Variants in ZEB2 observed in about 807,000 individuals in gnomAD.
ZEB2 encodes zinc finger E-box-binding homeobox 2.
ZEB2 carries 6 observed loss-of-function variants against 99.9 expected under a neutral mutation model. The observed-to-expected ratio is 0.06, with a 90% CI of 0.03 to 0.12. The LOEUF is 0.12. Among genes scored for constraint, ZEB2 ranks in the 10% least tolerant of loss-of-function variants. The probability of loss-of-function intolerance (pLI) is 1.00; values close to 1 mark genes in which losing one functional copy is unlikely to be tolerated. For missense variants in ZEB2, 969 were observed against 1,502.8 expected, an observed-to-expected ratio of 0.64 and a Z score of 5.87; for synonymous variants, 517 against 542.5, an observed-to-expected ratio of 0.95 and a Z score of 0.65.
rs2149877414 is a variant in ZEB2, at chr2:144,399,978, A to G, written c.1209T>C (p.Leu403=). ...EPLDFNDYKV[L]MATHGFSGTS... ...TGCCACTAAACCCGTGTGTAGCCAT[A>G]AGAACTTTATAGTCATTGAAGTCTA... The change falls in exon 8 of 10, where the codon CTT becomes CTC. Residue 403 remains leucine (L), a synonymous_variant. Transcript: ENST00000627532. The surrounding 1 kb of genome is among the most constrained non-coding windows in gnomAD (Gnocchi z 5.6). The G allele has an allele frequency of 6.2e-7, 1 of 1,614,244 alleles. No homozygotes were observed. The highest frequency in any genetic ancestry group is 8.5e-7 in the Non-Finnish European group (1 of 1,180,036).
intron 4 of ZEB2, chr2:144,424,483 T>C: frequency 1.8e-6 from 1 of 559,434 alleles, no homozygotes; most frequent in Non-Finnish European, 3.4e-6. Context: ...TTAAAATAAT[T>C]TTTTGCAGTC....
At chr2:144,516,150 C>T (rs1705135282) in intron 2 of ZEB2, 1 of 152,164 alleles carries the variant, frequency 6.6e-6, no homozygotes, top group Non-Finnish European at 1.5e-5. Context: ...TGGGCTGGCG[C>T]TCGTTCGCTT....
intron 2 of ZEB2, among the ~76,000 whole-genome samples, chr2:144,482,006 C>T (rs1292943178): frequency 2.0e-5 from 3 of 152,228 alleles, no homozygotes; most frequent in South Asian, 2.1e-4. Context: ...AAAAGGGACG[C>T]CAATACCCAT....
intron 2 of ZEB2, among the ~76,000 whole-genome samples, chr2:144,440,507 ATATATATATTTTTT>A (rs1295221898): frequency 1.3e-4 from 2 of 14,902 alleles, no homozygotes; most frequent in Non-Finnish European, 3.3e-4. Flanking sequence ...ATATATATAT[ATATATATATTTTTT>A]TTTTTTTTTT....
At chr2:144,418,057 T>C (rs1239571056) in intron 4 of ZEB2, among the ~76,000 whole-genome samples, 2 of 152,238 alleles carry the variant, frequency 1.3e-5, no homozygotes, top group South Asian at 2.1e-4. Flanking sequence ...ATCATTATTA[T>C]ACGTAATCAT....
intron 2 of ZEB2, among the ~76,000 whole-genome samples, chr2:144,505,179 C>T (rs1704935610): frequency 6.6e-6 from 1 of 150,754 alleles, no homozygotes; most frequent in South Asian, 2.1e-4. Context: ...GTTGACTATA[C>T]ATTTGAAATG....
intron 2 of ZEB2, among the ~76,000 whole-genome samples, chr2:144,506,351 C>A (rs1406713016): frequency 1.3e-5 from 2 of 152,158 alleles, no homozygotes; most frequent in Non-Finnish European, 2.9e-5. Context: ...TTCCCATCAG[C>A]AGAGCAAAGG....
At chr2:144,413,787 C>T (rs73964992) in intron 4 of ZEB2, among the ~76,000 whole-genome samples, 14 of 152,298 alleles carry the variant, frequency 9.2e-5, no homozygotes, top group African/African-American at 3.1e-4. Flanking sequence ...ATCCACTCAA[C>T]TCTTGCAGAG....
intron 9 of ZEB2, chr2:144,394,294 C>A (rs1703192643): frequency 6.6e-6 from 1 of 152,092 alleles, no homozygotes; most frequent in Non-Finnish European, 1.5e-5. Context: ...ATCTACAGAC[C>A]TATGAAGGTT....
At chr2:144,423,812 A>C (rs1703652680) in intron 4 of ZEB2, among the ~76,000 whole-genome samples, 1 of 152,248 alleles carries the variant, frequency 6.6e-6, no homozygotes, top group Non-Finnish European at 1.5e-5. Flanking sequence ...GCAGTCTATC[A>C]TGATGTGTAT....
At chr2:144,414,650 A>G (rs1328729513) in intron 4 of ZEB2, among the ~76,000 whole-genome samples, 1 of 152,178 alleles carries the variant, frequency 6.6e-6, no homozygotes, top group Non-Finnish European at 1.5e-5. Flanking sequence ...GAGGTTAGTG[A>G]TTCATACAAA....
chr2:144,488,998 T>C (rs1704639062), intron 2 of ZEB2, among the ~76,000 whole-genome samples: 1 of 152,202 alleles, frequency 6.6e-6, no homozygotes, highest in African/African-American at 2.4e-5. Context: ...AATAATGTTT[T>C]TAAAAAGGCA....
chr2:144,449,684 G>T (rs972488392), intron 2 of ZEB2: 7 of 152,238 alleles, frequency 4.6e-5, no homozygotes, highest in Non-Finnish European at 1.0e-4. Flanking sequence ...TTTAAAAGCT[G>T]GCCTTGCTTT....
intron 3 of ZEB2, among the ~76,000 whole-genome samples, chr2:144,425,750 A>G (rs1703683512): frequency 6.6e-6 from 1 of 152,206 alleles, no homozygotes; most frequent in South Asian, 2.1e-4. Flanking sequence ...GCTGATAGTT[A>G]AAAATCTCTT....
intron 4 of ZEB2, among the ~76,000 whole-genome samples, chr2:144,409,579 T>A (rs1251531067): frequency 2.0e-5 from 3 of 152,154 alleles, no homozygotes; most frequent in African/African-American, 7.2e-5. Flanking sequence ...AGTAATTTCT[T>A]CCCATACCTT....
Position 144,425,089 on chromosome 2 carries a change from A to C in ZEB2, c.332-222T>G, listed in dbSNP as rs1703674166. ...AGCATTACTGCAAGCTGTGAAAAAC[A>C]GAAGTGCTTATTTGGAGCAAATGAA... On this transcript the variant is annotated intron_variant, in intron 3 of 9. Transcript: ENST00000627532. The C allele has an allele frequency of 5.4e-6, 3 of 555,758 alleles. No homozygotes were observed. The East Asian group carries it at 9.1e-5, about 17-fold the overall frequency. The allele number at this position is 555,758 out of a possible 1,614,324, so 34.4% of individuals were successfully genotyped here.
chr2:144,429,611 TTCATAATCTG>T, intron 3 of ZEB2, 148 bp downstream of exon 3: 1 of 1,182,222 alleles, frequency 8.5e-7, no homozygotes, highest in Non-Finnish European at 1.2e-6. Context: ...TTACTATCAC[TTCATAATCTG>T]TCACCAGCTT....
At chr2:144,490,459 C>G (rs1283728327) in intron 2 of ZEB2, among the ~76,000 whole-genome samples, 2 of 152,146 alleles carry the variant, frequency 1.3e-5, no homozygotes, top group African/African-American at 2.4e-5. Flanking sequence ...CAACAGAAAT[C>G]TCTTGCAGAG....
intron 1 of ZEB2, 85 bp from the exon 2 acceptor site, chr2:144,517,504 C>CCGGG: frequency 3.4e-6 from 3 of 882,832 alleles, no homozygotes; most frequent in Non-Finnish European, 5.5e-6. Context: ...CGGGCCAGGG[C>CCGGG]CCCGGCGAGC....
Sources: gnomAD v4.1 joint callset for allele counts (sites outside exome capture counted in the v4.1 genomes callset) on GRCh38, gnomAD v4.1.1 for gene constraint, Gnocchi (gnomAD v3.1) non-coding constraint, MANE v1.5 for transcripts, NCBI Gene and HGNC (gene_info 2026-07-23, HGNC 2026-07-21) for gene names.